DPP6: variants seen among roughly 807,000 people sequenced by gnomAD.
DPP6 encodes the protein A-type potassium channel modulatory protein DPP6.
Under a neutral mutation model 122.6 loss-of-function variants are expected in DPP6, and 69 were observed. That is an observed-to-expected ratio of 0.56 (90% confidence interval 0.46 to 0.69). The LOEUF (loss-of-function observed/expected upper bound fraction) is 0.69, where lower values mean the gene tolerates loss of function less well. Ranked by LOEUF, DPP6 falls within the 30% of genes least tolerant of loss-of-function variation. The pLI, the probability that DPP6 is intolerant of heterozygous loss-of-function variation, is 0.00. For missense variants in DPP6, 928 were observed against 1,116.9 expected (o/e 0.83, Z 2.41); for synonymous variants, 418 against 433.1 (o/e 0.97, Z 0.43).
intron 1 of DPP6, among the ~76,000 whole-genome samples, chr7:154,346,900 C>T (rs564907640): frequency 6.4e-4 from 98 of 152,250 alleles, no homozygotes; most frequent in Admixed American, 1.8e-3. Flanking sequence ...AGTGAACTTT[C>T]GCCCAGAGTA....
chr7:154,261,070 A>T (rs1028649804), intron 1 of DPP6, among the ~76,000 whole-genome samples: 1 of 151,878 alleles, frequency 6.6e-6, no homozygotes, highest in Non-Finnish European at 1.5e-5. Flanking sequence ...TAATTTTTGT[A>T]TTTTTAGTAG....
Position 154,241,891 on chromosome 7 carries a change from C to T in DPP6, c.243+188828C>T, listed in dbSNP as rs935930621. On this transcript the variant is annotated intron_variant, in intron 1 of 25. Coordinates refer to ENST00000377770, the MANE Select transcript of DPP6 (RefSeq NM_130797.4). The surrounding 1 kb of genome is among the most constrained non-coding windows in gnomAD (Gnocchi z 9.0). ...ACCCACCCCTACCCCAACACTCATCCTACTTACCTTCCTCTGGCATTCACA... is the reference window on the plus strand; with the variant it reads ...ACCCACCCCTACCCCAACACTCATCTTACTTACCTTCCTCTGGCATTCACA... Among the ~76,000 whole-genome samples, 1 of 152,192 alleles carries T rather than the reference C, an allele frequency of 6.6e-6. No individual in the cohort carries two copies. Among genetic ancestry groups the T allele is most frequent in the African/African-American group, 2.4e-5 (1 of 41,436 alleles).
At chr7:153,785,117 G>T in the DPP6 span, among the ~76,000 whole-genome samples, 1 of 152,078 alleles carries the variant, frequency 6.6e-6, no homozygotes, top group Non-Finnish European at 1.5e-5. Flanking sequence ...TGATCTGTTG[G>T]TGATGCTTGG....
At chr7:154,005,341 C>T (rs1044359946) in intron 1 of DPP6, among the ~76,000 whole-genome samples, 9 of 152,052 alleles carry the variant, frequency 5.9e-5, no homozygotes, top group South Asian at 4.2e-4. Context: ...GCTCAGGGGC[C>T]GGGGGCTGAA....
chr7:154,739,764 C>T (rs1467414078), intron 8 of DPP6, among the ~76,000 whole-genome samples: 1 of 152,216 alleles, frequency 6.6e-6, no homozygotes, highest in Non-Finnish European at 1.5e-5. Flanking sequence ...CTTGGCATCT[C>T]CTTGGAGCCT....
At chr7:154,869,359 A>T (rs1804180617) in intron 18 of DPP6, among the ~76,000 whole-genome samples, 1 of 152,256 alleles carries the variant, frequency 6.6e-6, no homozygotes. Context: ...GGTCCCCCAA[A>T]CAGTACGTGC....
intron 1 of DPP6, among the ~76,000 whole-genome samples, chr7:154,408,150 A>G (rs1481140344): frequency 6.6e-6 from 1 of 152,232 alleles, no homozygotes; most frequent in Non-Finnish European, 1.5e-5. Flanking sequence ...AGTTGTAGTA[A>G]TAGTATTTAC....
the DPP6 span, among the ~76,000 whole-genome samples, chr7:153,876,385 C>CAA: frequency 8.7e-6 from 1 of 115,020 alleles, no homozygotes; most frequent in African/African-American, 3.5e-5. Flanking sequence ...CCCAAATTGA[C>CAA]CGTATGTTTG....
At chr7:154,102,500 T>C (rs1805819679) in intron 1 of DPP6, among the ~76,000 whole-genome samples, 1 of 152,142 alleles carries the variant, frequency 6.6e-6, no homozygotes, top group South Asian at 2.1e-4. Flanking sequence ...AGCCCCTTTT[T>C]AGTTTCTGTG....
chr7:154,709,864 A>C (rs1841068763), intron 7 of DPP6, among the ~76,000 whole-genome samples: 1 of 152,194 alleles, frequency 6.6e-6, no homozygotes, highest in African/African-American at 2.4e-5. Flanking sequence ...AACCCATGGA[A>C]GGCATACTGT....
At chr7:153,958,544 G>A (rs754271845) in intron 1 of DPP6, among the ~76,000 whole-genome samples, 45 of 152,226 alleles carry the variant, frequency 3.0e-4, no homozygotes, top group Non-Finnish European at 5.6e-4. Context: ...AGCTACACTT[G>A]CAGGTCGAGC....
rs377690053 is a variant in DPP6 at position 154,664,142 on chromosome 7, G to A, written c.681-5218G>A. On this transcript the variant is annotated intron_variant, in intron 6 of 25. Transcript: ENST00000377770. ...GGTGAATCACCATGGCGTATTGGCC[G>A]TAGTGTTCATATAGTCATGGTGAAT... Among the ~76,000 whole-genome samples the A allele has an allele frequency of 3.4e-3, 472 of 137,270 alleles. 15 individuals carry two copies. The highest frequency in any genetic ancestry group is 0.011 in the African/African-American group (441 of 38,628). The allele number at this position is 137,270 out of a possible 152,430, so 90.1% of individuals were successfully genotyped here.
intron 3 of DPP6, among the ~76,000 whole-genome samples, chr7:154,540,270 C>G (rs1013889696): frequency 1.3e-5 from 2 of 152,122 alleles, no homozygotes; most frequent in African/African-American, 4.8e-5. Context: ...GTGTCCTGCC[C>G]AAGAACATTC....
At chr7:153,950,294 A>T (rs1027189127) in intron 1 of DPP6, among the ~76,000 whole-genome samples, 1 of 152,164 alleles carries the variant, frequency 6.6e-6, no homozygotes, top group Admixed American at 6.5e-5. Context: ...AGATGGCGGC[A>T]TGTAGAAAAA....
intron 1 of DPP6, among the ~76,000 whole-genome samples, chr7:154,212,578 A>C (rs1312483075): frequency 6.6e-6 from 1 of 152,192 alleles, no homozygotes; most frequent in African/African-American, 2.4e-5. Context: ...AGGGCCTGGG[A>C]GAGCCGGGGA....
intron 8 of DPP6, among the ~76,000 whole-genome samples, chr7:154,739,691 C>A (rs143521193): frequency 6.6e-6 from 1 of 152,108 alleles, no homozygotes; most frequent in Non-Finnish European, 1.5e-5. Context: ...CTCTTCAATG[C>A]GAAGGTTCGT....
intron 1 of DPP6, among the ~76,000 whole-genome samples, chr7:154,063,922 G>T (rs933106514): frequency 6.6e-6 from 1 of 151,762 alleles, no homozygotes; most frequent in African/African-American, 2.4e-5. Flanking sequence ...GTCTCGGGAA[G>T]CCTCCAGGGA....
chr7:154,445,525 C>T (rs1819786914), intron 1 of DPP6, among the ~76,000 whole-genome samples: 1 of 152,070 alleles, frequency 6.6e-6, no homozygotes, highest in African/African-American at 2.4e-5. Flanking sequence ...CTCCAGAGTC[C>T]CTCTCTCACC....
chr7:154,313,480 A>G (rs1324287111), intron 1 of DPP6, among the ~76,000 whole-genome samples: 1 of 151,858 alleles, frequency 6.6e-6, no homozygotes, highest in East Asian at 1.9e-4. Flanking sequence ...TGCTTAAGAG[A>G]ACAGGTGTTT....
Sources: gnomAD v4.1 joint callset for allele counts (sites outside exome capture counted in the v4.1 genomes callset) on GRCh38, gnomAD v4.1.1 for gene constraint, Gnocchi (gnomAD v3.1) non-coding constraint, MANE v1.5 for transcripts, NCBI Gene and HGNC (gene_info 2026-07-23, HGNC 2026-07-21) for gene names.